Variants in MCMDC2 observed in about 807,000 individuals in gnomAD.
The protein encoded by MCMDC2 is minichromosome maintenance domain-containing protein 2.
Under a neutral mutation model 75.8 loss-of-function variants are expected in MCMDC2, and 54 were observed. The observed-to-expected ratio is 0.71, with a 90% CI of 0.57 to 0.89. The LOEUF (loss-of-function observed/expected upper bound fraction) is 0.89. MCMDC2 is among the 40% of genes least tolerant of loss of function. MCMDC2 has a pLI of 0.00. For synonymous variants in MCMDC2, 249 were observed against 274.6 expected (o/e 0.91, Z 0.92); for missense variants, 656 against 780.4 (o/e 0.84, Z 1.90).
At chr8:66,906,426 T>G (rs373451528) in intron 14 of MCMDC2, among the ~76,000 whole-genome samples, 1 of 152,228 alleles carries the variant, frequency 6.6e-6, no homozygotes, top group East Asian at 1.9e-4. Flanking sequence ...TTCTATAAAT[T>G]GTTCTATAAT....
intron 1 of MCMDC2, among the ~76,000 whole-genome samples, chr8:66,873,333 C>G (rs1811114594): frequency 6.6e-6 from 1 of 152,196 alleles, no homozygotes; most frequent in Non-Finnish European, 1.5e-5. Flanking sequence ...TTCCCCATAG[C>G]AACCAGGAAA....
chr8:66,877,362 T>C lies in MCMDC2; in HGVS notation c.299T>C (p.Leu100Pro), dbSNP rs1245251489. 11 of 1,607,328 alleles carry C rather than the reference T, an allele frequency of 6.8e-6. No individual in the cohort carries two copies. Among genetic ancestry groups the C allele is most frequent in the African/African-American group, 1.3e-5 (1 of 74,656 alleles). The stretch of plus-strand genomic sequence containing the variant: ...TGTTCTTATTAGATTAATATAGTGC[T>C]GAAATTAACACATTTACCTCCCCTG... ...LQTETQINIV[L>P]KLTHLPPLPS... Residue 100 changes from leucine to proline, a missense_variant, in exon 5 of 15, where the codon CTG becomes CCG. Coordinates refer to ENST00000422365, the MANE Select transcript of MCMDC2 (RefSeq NM_173518.5).
In MCMDC2 at chr8:66,878,693, G is replaced by C. The variant is rs200760290; in HGVS notation, c.601G>C (p.Gly201Arg). The C allele has an allele frequency of 4.5e-6, 7 of 1,561,000 alleles. No homozygotes were observed. The highest frequency in any genetic ancestry group is 6.0e-6 in the Non-Finnish European group (7 of 1,158,696). The change falls in exon 6 of 15, where the codon GGT (glycine) becomes CGT (arginine). Residue 201 changes from glycine to arginine, a missense_variant. By Grantham distance (125) the Gly-to-Arg change is moderately radical. Transcript: ENST00000422365. ...LQEDRKFRVL[G>R]DKQIVEIIAT... The stretch of plus-strand genomic sequence containing the variant: ...AGAAGACAGAAAATTTAGAGTACTT[G>C]GTGGTAATATGCATTTATATTTTGT...
downstream of MCMDC2, among the ~76,000 whole-genome samples, chr8:66,926,005 C>A (rs918904093): frequency 6.6e-6 from 1 of 151,866 alleles, no homozygotes; most frequent in East Asian, 1.9e-4. Flanking sequence ...AAAAATTGGC[C>A]GATTGTGGTG....
intron 8 of MCMDC2, among the ~76,000 whole-genome samples, chr8:66,881,393 A>G (rs1811551234): frequency 6.6e-6 from 1 of 152,242 alleles, no homozygotes; most frequent in African/African-American, 2.4e-5. Context: ...AGAGCTCAAT[A>G]AAGTAGCATC....
intron 11 of MCMDC2, 51 bp downstream of exon 11, chr8:66,896,387 C>A (rs770151928): frequency 1.4e-6 from 2 of 1,479,110 alleles, no homozygotes; most frequent in South Asian, 2.8e-5. Flanking sequence ...GGAATAAAGT[C>A]ATAAATTTTA....
intron 8 of MCMDC2, among the ~76,000 whole-genome samples, chr8:66,882,577 G>A (rs191526181): frequency 6.6e-6 from 1 of 152,172 alleles, no homozygotes; most frequent in Non-Finnish European, 1.5e-5. Context: ...TGTTGACCAG[G>A]CTGGTCTCAA....
In MCMDC2 at chr8:66,887,707, A is replaced by G. The variant is rs547604520; in HGVS notation, c.1074-3158A>G. Among the ~76,000 whole-genome samples the G allele has an allele frequency of 4.6e-5, 7 of 152,304 alleles. No individual in the cohort carries two copies. The South Asian group carries it at 1.0e-3, about 23-fold the overall frequency. ...GGTCTCAAACTTCCAGGCTCAAGCAATCCTCCTGCCTTAATCTCCCAGAGA... is the reference window on the plus strand; with the variant it reads ...GGTCTCAAACTTCCAGGCTCAAGCAGTCCTCCTGCCTTAATCTCCCAGAGA... On this transcript the variant is annotated intron_variant, in intron 9 of 14. Coordinates refer to ENST00000422365, the MANE Select transcript of MCMDC2 (RefSeq NM_173518.5).
chr8:66,913,715 C>T (rs928265722), intron 14 of MCMDC2, among the ~76,000 whole-genome samples: 5 of 152,058 alleles, frequency 3.3e-5, no homozygotes, highest in Admixed American at 2.6e-4. Context: ...CCTATAATCC[C>T]AACACTTTGG....
Position 66,900,457 on chromosome 8 carries a change from AC to A in MCMDC2, c.1627-748del, listed in dbSNP as rs978000602. On this transcript the variant is annotated intron_variant, in intron 12 of 14. Coordinates refer to ENST00000422365, the MANE Select transcript of MCMDC2 (RefSeq NM_173518.5). ...CCTTCTCAAAATAAATAAAAAAAAAACATATAAATTTTATAGTTAATAGCAA... is the reference window on the plus strand; with the variant it reads ...CCTTCTCAAAATAAATAAAAAAAAAAATATAAATTTTATAGTTAATAGCAA... Among the ~76,000 whole-genome samples the A allele has an allele frequency of 5.1e-4, 77 of 152,108 alleles. 1 individual carries two copies. Among genetic ancestry groups the A allele is most frequent in the Middle Eastern group, 6.8e-3 (2 of 294 alleles).
chr8:66,885,834 T>A (rs1037423052), intron 9 of MCMDC2, among the ~76,000 whole-genome samples: 4 of 152,196 alleles, frequency 2.6e-5, no homozygotes, highest in Non-Finnish European at 4.4e-5. Context: ...ATTTTCCTGT[T>A]CTTGAACTTC....
At chr8:66,915,263 C>T (rs1048983712) in intron 14 of MCMDC2, among the ~76,000 whole-genome samples, 10 of 151,918 alleles carry the variant, frequency 6.6e-5, no homozygotes, top group African/African-American at 2.4e-4. Context: ...ACCAGCCTGG[C>T]CAACATGGTG....
At chr8:66,905,930 GGGAGGT>G (rs1812889376) in intron 14 of MCMDC2, among the ~76,000 whole-genome samples, 1 of 151,894 alleles carries the variant, frequency 6.6e-6, no homozygotes, top group South Asian at 2.1e-4. Context: ...GTTTGAAACT[GGGAGGT>G]GGAGGTTGCA....
At chr8:66,904,619 C>G (rs1048979420) in intron 13 of MCMDC2, among the ~76,000 whole-genome samples, 2 of 152,074 alleles carry the variant, frequency 1.3e-5, no homozygotes, top group African/African-American at 4.8e-5. Context: ...CCAAGTTCAG[C>G]AGTCATTCAG....
At chr8:66,898,562 T>G (rs1183731743) in intron 12 of MCMDC2, among the ~76,000 whole-genome samples, 3 of 144,508 alleles carry the variant, frequency 2.1e-5, no homozygotes, top group Admixed American at 1.4e-4. Flanking sequence ...AGGCGGAGGT[T>G]GAGGTGAGCC....
intron 5 of MCMDC2, among the ~76,000 whole-genome samples, chr8:66,878,315 T>G (rs1489269918): frequency 6.6e-6 from 1 of 152,262 alleles, no homozygotes; most frequent in Non-Finnish European, 1.5e-5. Flanking sequence ...AGCATCCATA[T>G]TGCCAGTGCC....
intron 10 of MCMDC2, among the ~76,000 whole-genome samples, chr8:66,893,682 G>A (rs949456891): frequency 1.3e-5 from 2 of 152,320 alleles, no homozygotes; most frequent in African/African-American, 4.8e-5. Context: ...GGGAGTTCAC[G>A]ATGAGATTTG....
chr8:66,917,262 T>C (rs1389587852), intron 14 of MCMDC2, among the ~76,000 whole-genome samples: 1 of 152,166 alleles, frequency 6.6e-6, no homozygotes, highest in Non-Finnish European at 1.5e-5. Flanking sequence ...AGTCTGAGGC[T>C]GTTCTTATGA....
chr8:66,883,752 T>A lies in MCMDC2; in HGVS notation c.836-5T>A. On this transcript the variant is annotated splice_polypyrimidine_tract_variant and splice_region_variant and intron_variant, in intron 8 of 14. Transcript: ENST00000422365. Reference sequence around the variant, plus strand: ...TCTAATATATATGTTAATATTTACTTTCAGTTCCTTCAGGAATTAGTGACA... The same window carrying A: ...TCTAATATATATGTTAATATTTACTATCAGTTCCTTCAGGAATTAGTGACA... 1 of 1,533,676 alleles carries A rather than the reference T, an allele frequency of 6.5e-7. No homozygotes were observed.
Sources: gnomAD v4.1 joint callset for allele counts (sites outside exome capture counted in the v4.1 genomes callset) on GRCh38, gnomAD v4.1.1 for gene constraint, MANE v1.5 for transcripts, NCBI Gene and HGNC (gene_info 2026-07-23, HGNC 2026-07-21) for gene names.